Variants in SORCS1 observed in about 807,000 individuals in gnomAD.
SORCS1 encodes the protein VPS10 domain-containing receptor SorCS1.
In SORCS1, 60 loss-of-function variants were observed where a neutral mutation model predicts 146.1. The observed-to-expected ratio is 0.41, with a 90% CI of 0.33 to 0.51. The LOEUF (loss-of-function observed/expected upper bound fraction) is 0.51. Ranked by LOEUF, SORCS1 falls within the 20% of genes least tolerant of loss-of-function variation. SORCS1 has a pLI of 0.21. For synonymous variants in SORCS1, 637 were observed against 584.0 expected (o/e 1.09, Z -1.31); for missense variants, 1,352 against 1,487.6 (o/e 0.91, Z 1.50).
At chr10:106,697,263 G>C (rs1445559601) in intron 9 of SORCS1, among the ~76,000 whole-genome samples, 4 of 152,094 alleles carry the variant, frequency 2.6e-5, no homozygotes. Flanking sequence ...AGGAGTTCGA[G>C]ATCAGCCTGG....
chr10:106,926,121 C>A (rs1313985119), intron 2 of SORCS1, among the ~76,000 whole-genome samples: 1 of 150,004 alleles, frequency 6.7e-6, no homozygotes, highest in Non-Finnish European at 1.5e-5. Context: ...CAAGTGCATT[C>A]AATCCCAGCT....
At chr10:106,881,079 A>G (rs796332347) in intron 2 of SORCS1, among the ~76,000 whole-genome samples, 50 of 149,264 alleles carry the variant, frequency 3.3e-4, no homozygotes, top group African/African-American at 1.2e-3. Flanking sequence ...TCTGTCTCAA[A>G]AAAAAAAAAA....
At chr10:106,802,948 T>A (rs1946984330) in intron 3 of SORCS1, among the ~76,000 whole-genome samples, 1 of 152,298 alleles carries the variant, frequency 6.6e-6, no homozygotes, top group Non-Finnish European at 1.5e-5. Flanking sequence ...ACAGTATTTT[T>A]TAAAACTTCG....
At chr10:106,708,750 C>G (rs573612656) in intron 7 of SORCS1, among the ~76,000 whole-genome samples, 1 of 152,188 alleles carries the variant, frequency 6.6e-6, no homozygotes, top group Non-Finnish European at 1.5e-5. Flanking sequence ...CCCACTATCT[C>G]CAGCCACCCC....
At chr10:106,829,471 T>C (rs1589494152) in intron 3 of SORCS1, 103 bp downstream of exon 3, 1 of 731,062 alleles carries the variant, frequency 1.4e-6, no homozygotes, top group East Asian at 2.5e-5. Context: ...ACATTTCTAA[T>C]CCCAGATTAA....
Position 106,607,237 on chromosome 10 carries a change from C to A in SORCS1, c.3094G>T (p.Ala1032Ser). Residue 1032 changes from alanine to serine, a missense_variant, in exon 23 of 26, where the codon GCT becomes TCT. Physicochemically the swap from Ala to Ser is moderately conservative, Grantham distance 99. Around this residue, in one of 3 missense-constraint regions of SORCS1, gnomAD observed 214 missense variants for 204.8 expected, o/e 1.05. Coordinates refer to ENST00000263054, the MANE Select transcript of SORCS1 (RefSeq NM_052918.5). ...VAVLPGLPTTAELFVLPYQDP... is the reference protein window; with the variant it reads ...VAVLPGLPTTSELFVLPYQDP... ...TGATAGGGTAGGACAAAGAGTTCAG[C>A]AGTGGTGGGTAAGCCAGGGAGCACC... 1 of 1,614,092 alleles carries A rather than the reference C, an allele frequency of 6.2e-7. No individual in the cohort carries two copies. The highest frequency in any genetic ancestry group is 8.5e-7 in the Non-Finnish European group (1 of 1,179,978).
chr10:106,864,131 A>G (rs1950138875), intron 2 of SORCS1, among the ~76,000 whole-genome samples: 2 of 152,348 alleles, frequency 1.3e-5, no homozygotes, highest in Non-Finnish European at 1.5e-5. Flanking sequence ...CACTAGAAAC[A>G]GGTAGTGTGC....
chr10:107,095,954 T>TA (rs142766259), intron 1 of SORCS1, among the ~76,000 whole-genome samples: 296 of 150,752 alleles, frequency 2.0e-3, no homozygotes, highest in African/African-American at 6.4e-3. Context: ...CAATTTGCAT[T>TA]AAAAAAAAAC....
intron 2 of SORCS1, among the ~76,000 whole-genome samples, chr10:106,903,316 A>G (rs939569237): frequency 2.0e-5 from 3 of 152,200 alleles, no homozygotes; most frequent in African/African-American, 7.2e-5. Context: ...ATGGCAGTTG[A>G]CAAGTATACA....
chr10:106,798,147 G>C (rs1162147732), intron 3 of SORCS1, among the ~76,000 whole-genome samples: 1 of 152,090 alleles, frequency 6.6e-6, no homozygotes, highest in Non-Finnish European at 1.5e-5. Flanking sequence ...GGCTTTATAA[G>C]GCAGAGTTTC....
intron 1 of SORCS1, among the ~76,000 whole-genome samples, chr10:107,033,936 C>T (rs1958779280): frequency 6.6e-6 from 1 of 152,280 alleles, no homozygotes; most frequent in East Asian, 1.9e-4. Context: ...TTAAGCAAGG[C>T]AGCTGCATGT....
intron 1 of SORCS1, among the ~76,000 whole-genome samples, chr10:106,969,577 C>T (rs1282649114): frequency 6.6e-6 from 1 of 152,134 alleles, no homozygotes; most frequent in Non-Finnish European, 1.5e-5. Flanking sequence ...TTGAGCTTCT[C>T]TTTAAGAAAA....
At chr10:106,852,743 G>A (rs998842473) in intron 2 of SORCS1, among the ~76,000 whole-genome samples, 5 of 151,596 alleles carry the variant, frequency 3.3e-5, no homozygotes, top group Admixed American at 2.6e-4. Flanking sequence ...CTCATCTATT[G>A]GTATATTATG....
At chr10:107,146,910 C>T (rs1044673372) in intron 1 of SORCS1, among the ~76,000 whole-genome samples, 1 of 152,084 alleles carries the variant, frequency 6.6e-6, no homozygotes, top group Admixed American at 6.6e-5. Flanking sequence ...TCATGTCTAG[C>T]GAATAATAAC....
At chr10:107,154,475 T>C (rs1969112290) in intron 1 of SORCS1, among the ~76,000 whole-genome samples, 2 of 152,230 alleles carry the variant, frequency 1.3e-5, no homozygotes, top group South Asian at 4.1e-4. Context: ...GACTTCATTA[T>C]TCTACAACAC....
At chr10:106,748,513 C>A (rs1447904368) in intron 5 of SORCS1, among the ~76,000 whole-genome samples, 5 of 152,108 alleles carry the variant, frequency 3.3e-5, no homozygotes, top group African/African-American at 1.2e-4. Flanking sequence ...CCTCCCTATT[C>A]CCCGAGATGC....
the SORCS1 span, among the ~76,000 whole-genome samples, chr10:107,173,654 T>A: frequency 6.6e-6 from 1 of 152,236 alleles, no homozygotes; most frequent in Non-Finnish European, 1.5e-5. Flanking sequence ...TGTGAAATTT[T>A]TTCTAGAAGC....
intron 17 of SORCS1, 71 bp from the exon 18 acceptor site, chr10:106,652,624 G>C: frequency 1.3e-6 from 2 of 1,553,724 alleles, no homozygotes; most frequent in Non-Finnish European, 8.8e-7. Flanking sequence ...TTTAAAATTA[G>C]ACATAGTGCC....
chr10:106,897,766 C>T (rs1311711457), intron 2 of SORCS1, among the ~76,000 whole-genome samples: 2 of 152,118 alleles, frequency 1.3e-5, no homozygotes, highest in African/African-American at 2.4e-5. Context: ...CTTGTCCTTC[C>T]ACTATGCAGA....
Sources: gnomAD v4.1 joint callset for allele counts (sites outside exome capture counted in the v4.1 genomes callset) on GRCh38, gnomAD v4.1.1 for gene constraint, gnomAD v4.1.1 regional missense constraint, MANE v1.5 for transcripts, NCBI Gene and HGNC (gene_info 2026-07-23, HGNC 2026-07-21) for gene names.